Variants in BIRC6 observed in about 807,000 individuals in gnomAD.
The protein encoded by BIRC6 is baculoviral IAP repeat containing 6, also known as dual E2 ubiquitin-conjugating enzyme/E3 ubiquitin-protein ligase BIRC6.
A neutral mutation model predicts 503.3 loss-of-function variants in BIRC6; 98 were observed. The observed-to-expected ratio is 0.19, with a 90% CI of 0.17 to 0.23. BIRC6 has a LOEUF of 0.23. Among genes scored for constraint, BIRC6 ranks in the 10% least tolerant of loss-of-function variants. BIRC6 has a pLI of 1.00. For synonymous variants in BIRC6, 2,240 were observed against 2,078.7 expected, an observed-to-expected ratio of 1.08 and a Z score of -2.11; for missense variants, 5,360 against 5,806.0, an observed-to-expected ratio of 0.92 and a Z score of 2.50.
Position 32,436,132 on chromosome 2 carries a change from T to C in BIRC6, c.3579T>C (p.Asp1193=), listed in dbSNP as rs1276204386. 4 of 1,498,974 alleles carry C rather than the reference T, an allele frequency of 2.7e-6. No individual in the cohort carries two copies. Among genetic ancestry groups the C allele is most frequent in the Non-Finnish European group, 3.6e-6 (4 of 1,110,906 alleles). The allele number at this position is 1,498,974 out of a possible 1,614,324, so 92.9% of individuals were successfully genotyped here. The change falls in exon 15 of 74, where the codon GAT becomes GAC. Residue 1193 remains aspartate, a synonymous_variant. Coordinates refer to ENST00000421745, the MANE Select transcript of BIRC6 (RefSeq NM_016252.4). ...CGPVWLASGL[D]LSGHAGMLTL... The stretch of plus-strand genomic sequence containing the variant: ...CAGTATGGCTTGCTAGTGGCCTTGA[T>C]CTATCAGGGCATGCTGGAATGTTGA...
chr2:32,404,416 C>G lies in BIRC6; in HGVS notation c.1419-2083C>G, dbSNP rs532712143. Among the ~76,000 whole-genome samples the G allele has an allele frequency of 4.6e-5, 7 of 151,802 alleles. No homozygotes were observed. In the South Asian group the frequency reaches 1.5e-3, roughly 32 times the overall value. On this transcript the variant is annotated intron_variant, in intron 8 of 73. Transcript: ENST00000421745. ...CACTGCAATCTCTGCCTCCCAGGTTCAAGTGATTCTTGTGCCTCAGTCTCC... is the reference window on the plus strand; with the variant it reads ...CACTGCAATCTCTGCCTCCCAGGTTGAAGTGATTCTTGTGCCTCAGTCTCC...
rs146068947 is a variant in BIRC6, at chr2:32,558,077, G to A, written c.13144+8596G>A. On this transcript the variant is annotated intron_variant, in intron 65 of 73. Transcript: ENST00000421745. The stretch of plus-strand genomic sequence containing the variant: ...TTATTATACATGTTGCATTTCTTGC[G>A]TAGTTTTTCAGTGTGCAGTCCTACT... Among the ~76,000 whole-genome samples, 1,032 of 152,138 alleles carry A rather than the reference G, an allele frequency of 6.8e-3. 10 individuals are homozygous for A. Among genetic ancestry groups the A allele is most frequent in the Admixed American group, 0.014 (209 of 15,274 alleles).
intron 66 of BIRC6, among the ~76,000 whole-genome samples, chr2:32,578,951 G>A (rs67257914): frequency 0.37 from 35,532 of 95,718 alleles, 6,554 homozygotes; most frequent in Non-Finnish European, 0.43. Context: ...AAGAGAAATC[G>A]TAGTTTACTA....
Position 32,529,636 on chromosome 2 carries a change from G to A in BIRC6, c.11921-15G>A. 1 of 1,548,568 alleles carries A rather than the reference G, an allele frequency of 6.5e-7. No homozygotes were observed. Among genetic ancestry groups the A allele is most frequent in the Admixed American group, 2.1e-5 (1 of 47,972 alleles). On this transcript the variant is annotated splice_polypyrimidine_tract_variant and intron_variant, in intron 59 of 73. Coordinates refer to ENST00000421745, the MANE Select transcript of BIRC6 (RefSeq NM_016252.4). ...TTTCTCGGTTTCCAGATTTAACTTA[G>A]TTATATCATTTTAGGCCAGCCATTG...
intron 10 of BIRC6, among the ~76,000 whole-genome samples, chr2:32,418,019 A>T (rs1299060701): frequency 1.3e-5 from 2 of 152,206 alleles, no homozygotes; most frequent in African/African-American, 4.8e-5. Context: ...ACCTCGAGCG[A>T]TCCGTCTGCC....
At chr2:32,483,640 C>T (rs532526566) in intron 39 of BIRC6, among the ~76,000 whole-genome samples, 4 of 152,208 alleles carry the variant, frequency 2.6e-5, no homozygotes, top group Non-Finnish European at 5.9e-5. Context: ...TAGTCTCATT[C>T]AGTCTGCAGT....
At position 32,591,049 on chromosome 2, in the gene BIRC6, A is replaced by T. The variant is rs893308391; in HGVS notation, c.13356-2866A>T. On this transcript the variant is annotated intron_variant, in intron 66 of 73. Transcript: ENST00000421745. The stretch of plus-strand genomic sequence containing the variant: ...AACCTGCAACTTTTATAGAAAAGAG[A>T]CTACTGGCTATAGTTTAATGTCAGA... The T allele has an allele frequency of 5.7e-6, 5 of 873,866 alleles. No homozygotes were observed. The African/African-American group carries it at 7.3e-5, about 13-fold the overall frequency. 54.1% of individuals were successfully genotyped at this position (873,866 alleles called of 1,614,324 possible). A position where few individuals can be genotyped will look rare whatever the true frequency, so the allele number is the denominator to read the frequency against.
At chr2:32,379,652 C>T (rs2037341263) in intron 2 of BIRC6, 1 of 152,170 alleles carries the variant, frequency 6.6e-6, no homozygotes, top group African/African-American at 2.4e-5. Flanking sequence ...TTGATTTGCT[C>T]AGTGTAGATA....
intron 1 of BIRC6, among the ~76,000 whole-genome samples, chr2:32,360,401 G>A (rs1372582420): frequency 6.6e-6 from 1 of 152,162 alleles, no homozygotes; most frequent in Non-Finnish European, 1.5e-5. Flanking sequence ...CACAGGCTGG[G>A]TAAGTATTTG....
intron 11 of BIRC6, among the ~76,000 whole-genome samples, chr2:32,430,099 G>A (rs766235762): frequency 1.3e-5 from 2 of 152,114 alleles, no homozygotes; most frequent in African/African-American, 2.4e-5. Context: ...AGAAAAAGAT[G>A]TAATTTGAAT....
At chr2:32,487,545 T>A (rs2051141826) in intron 40 of BIRC6, 102 bp from the exon 41 acceptor site, 1 of 1,076,220 alleles carries the variant, frequency 9.3e-7, no homozygotes, top group Non-Finnish European at 1.3e-6. Context: ...GAATGCAGTT[T>A]TAATTTTTAA....
At chr2:32,533,291 A>C (rs2056929744) in intron 61 of BIRC6, among the ~76,000 whole-genome samples, 1 of 152,218 alleles carries the variant, frequency 6.6e-6, no homozygotes, top group South Asian at 2.1e-4. Context: ...GCTGTAATGA[A>C]CTTGGATGTA....
chr2:32,520,106 G>A (rs1050620966), intron 57 of BIRC6, among the ~76,000 whole-genome samples: 1 of 152,194 alleles, frequency 6.6e-6, no homozygotes, highest in African/African-American at 2.4e-5. Context: ...GCTGTGAACT[G>A]AAGCAAGAAT....
chr2:32,532,622 A>G (rs949108284), intron 61 of BIRC6, among the ~76,000 whole-genome samples: 1 of 152,168 alleles, frequency 6.6e-6, no homozygotes. Flanking sequence ...GGACTTGAAC[A>G]TATCTTGGGA....
At position 32,424,239 on chromosome 2, in the gene BIRC6, G is replaced by GTA. The variant is rs576718819; in HGVS notation, c.2873-4899_2873-4898dup. ...AATTAAATTTATCATATGTGTGTGT[G>GTA]TATATATATGAATATATATATATGA... On this transcript the variant is annotated intron_variant, in intron 10 of 73. Coordinates refer to ENST00000421745, the MANE Select transcript of BIRC6 (RefSeq NM_016252.4). Among the ~76,000 whole-genome samples the GTA allele has an allele frequency of 6.4e-3, 975 of 151,576 alleles. 9 individuals carry two copies. The highest frequency in any genetic ancestry group is 0.022 in the African/African-American group (922 of 41,326).
chr2:32,390,196 A>G (rs567349120), intron 4 of BIRC6, among the ~76,000 whole-genome samples: 2 of 143,368 alleles, frequency 1.4e-5, no homozygotes, highest in East Asian at 2.1e-4. Flanking sequence ...TTTGAGATGG[A>G]GTCTCGCTCT....
At chr2:32,430,796 CATT>C in intron 11 of BIRC6, 66 bp from the exon 12 acceptor site, 1 of 1,160,582 alleles carries the variant, frequency 8.6e-7, no homozygotes, top group Non-Finnish European at 1.2e-6. Flanking sequence ...AACTTCACTT[CATT>C]GTCTTCTTTT....
chr2:32,611,527 A>C lies in BIRC6; in HGVS notation c.14339A>C (p.Tyr4780Ser). The stretch of plus-strand genomic sequence containing the variant: ...GAGTGGATTGCGGATATCCAGCAGT[A>C]CAGCAGTGATAAGCGGGTAGGCAGG... Reference protein sequence around the residue: ...CEEWIADIQQYSSDKRVGRTM... With the variant: ...CEEWIADIQQSSSDKRVGRTM... Residue 4780 changes from tyrosine (Y) to serine (S), a missense_variant, in exon 73 of 74, where the codon TAC becomes TCC. Around this residue, in one of 16 missense-constraint regions of BIRC6, gnomAD observed 140 missense variants for 130.2 expected, o/e 1.07. Coordinates refer to ENST00000421745, the MANE Select transcript of BIRC6 (RefSeq NM_016252.4). 6.2e-7 allele frequency: 1 copy of C among 1,607,082 alleles called. No individual in the cohort carries two copies. The highest frequency in any genetic ancestry group is 1.3e-5 in the African/African-American group (1 of 74,872).
chr2:32,361,838 G>A (rs1412399354), intron 1 of BIRC6, among the ~76,000 whole-genome samples: 1 of 152,230 alleles, frequency 6.6e-6, no homozygotes, highest in Non-Finnish European at 1.5e-5. Context: ...TGCATTTACA[G>A]TTCTTCCTTG....
Sources: gnomAD v4.1 joint callset for allele counts (sites outside exome capture counted in the v4.1 genomes callset) on GRCh38, gnomAD v4.1.1 for gene constraint, gnomAD v4.1.1 regional missense constraint, MANE v1.5 for transcripts, NCBI Gene and HGNC (gene_info 2026-07-23, HGNC 2026-07-21) for gene names.